TRHDE: variants seen among roughly 807,000 people sequenced by gnomAD.
TRHDE encodes thyrotropin releasing hormone degrading enzyme.
Under a neutral mutation model 125.7 loss-of-function variants are expected in TRHDE, and 72 were observed. The ratio of observed to expected loss-of-function variants is 0.57; its 90% CI spans 0.47 to 0.70. TRHDE has a LOEUF of 0.70. TRHDE is among the 30% of genes least tolerant of loss of function. The pLI, the probability that TRHDE is intolerant of heterozygous loss-of-function variation, is 0.00. For missense variants in TRHDE, 1,110 were observed against 1,327.1 expected, an observed-to-expected ratio of 0.84 and a Z score of 2.54; for synonymous variants, 509 against 509.1, an observed-to-expected ratio of 1.00 and a Z score of 0.00.
intron 2 of TRHDE, among the ~76,000 whole-genome samples, chr12:72,200,885 A>G (rs1463274963): frequency 1.3e-5 from 2 of 152,230 alleles, no homozygotes; most frequent in Non-Finnish European, 1.5e-5. Context: ...CAGGGCACCT[A>G]AACCAATCTT....
At chr12:72,345,009 T>C (rs1445771888) in intron 2 of TRHDE, among the ~76,000 whole-genome samples, 2 of 152,126 alleles carry the variant, frequency 1.3e-5, no homozygotes, top group Non-Finnish European at 2.9e-5. Flanking sequence ...CCTACGTGGT[T>C]GACATATGGC....
intron 2 of TRHDE, among the ~76,000 whole-genome samples, chr12:72,181,487 A>G (rs1202804566): frequency 6.6e-6 from 1 of 152,254 alleles, no homozygotes. Context: ...CTCTTTATAA[A>G]TTACAAAGTT....
At chr12:72,274,111 C>A (rs564082522) in intron 1 of TRHDE, among the ~76,000 whole-genome samples, 1 of 152,166 alleles carries the variant, frequency 6.6e-6, no homozygotes, top group Non-Finnish European at 1.5e-5. Context: ...CCCCAAACTT[C>A]AAGTTGAGAT....
chr12:72,537,855 T>G (rs530230224), intron 6 of TRHDE, among the ~76,000 whole-genome samples: 1 of 152,192 alleles, frequency 6.6e-6, no homozygotes, highest in African/African-American at 2.4e-5. Flanking sequence ...ATTCCCCACC[T>G]TGATGGAGAT....
chr12:72,341,756 T>C (rs2135730754), intron 2 of TRHDE, among the ~76,000 whole-genome samples: 1 of 152,192 alleles, frequency 6.6e-6, no homozygotes, highest in South Asian at 2.1e-4. Context: ...TTGAAAGATA[T>C]TTGGGAAGTA....
At chr12:72,404,531 A>C (rs2135806430) in intron 3 of TRHDE, among the ~76,000 whole-genome samples, 1 of 152,334 alleles carries the variant, frequency 6.6e-6, no homozygotes, top group South Asian at 2.1e-4. Flanking sequence ...ACAGTTTCAC[A>C]TGACTGGGGA....
At chr12:72,120,799 C>T (rs931686446) in intron 2 of TRHDE, among the ~76,000 whole-genome samples, 7 of 151,772 alleles carry the variant, frequency 4.6e-5, no homozygotes, top group Non-Finnish European at 1.0e-4. Context: ...CTGCCTCAGC[C>T]TCCTGAGTAG....
rs1026466508 is a variant in TRHDE, at chr12:72,416,236, T to A, written c.1315+38115T>A. On this transcript the variant is annotated intron_variant, in intron 3 of 18. Coordinates refer to ENST00000261180, the MANE Select transcript of TRHDE (RefSeq NM_013381.3). Reference sequence around the variant, plus strand: ...TTCAGATTTTTGCCTATTTGAAACATTGGAATATTTGTTTTCTAAATATTG... The same window carrying A: ...TTCAGATTTTTGCCTATTTGAAACAATGGAATATTTGTTTTCTAAATATTG... Among the ~76,000 whole-genome samples, 2 of 152,052 alleles carry A rather than the reference T, an allele frequency of 1.3e-5. 1 individual carries two copies. The highest frequency in any genetic ancestry group is 4.1e-4 in the South Asian group (2 of 4,826).
intron 7 of TRHDE, among the ~76,000 whole-genome samples, chr12:72,550,965 A>G (rs1328977791): frequency 1.3e-5 from 2 of 151,914 alleles, no homozygotes; most frequent in African/African-American, 2.4e-5. Flanking sequence ...ATTTTAATAC[A>G]TTCTCTGCTT....
At chr12:72,362,648 T>C (rs1445178566) in intron 2 of TRHDE, among the ~76,000 whole-genome samples, 1 of 151,222 alleles carries the variant, frequency 6.6e-6, no homozygotes. Flanking sequence ...CATGCCTATG[T>C]CCTGAATGGT....
chr12:72,169,731 G>A (rs1044206926), intron 2 of TRHDE, among the ~76,000 whole-genome samples: 15 of 151,766 alleles, frequency 9.9e-5, no homozygotes, highest in African/African-American at 3.6e-4. Flanking sequence ...ATAAAAGAAA[G>A]ATACAAATAC....
chr12:72,171,627 G>T (rs1053635677), intron 2 of TRHDE, among the ~76,000 whole-genome samples: 1 of 152,164 alleles, frequency 6.6e-6, no homozygotes, highest in Admixed American at 6.5e-5. Context: ...AAGTTGTCAA[G>T]TGAGTGGTCT....
chr12:72,566,044 T>C (rs546515360), intron 9 of TRHDE, among the ~76,000 whole-genome samples: 1 of 152,196 alleles, frequency 6.6e-6, no homozygotes, highest in South Asian at 2.1e-4. Context: ...TTTAGGGTCT[T>C]CTAGTCTTTT....
chr12:72,479,483 GTGTATATTCAC>G (rs1877056481), intron 5 of TRHDE, among the ~76,000 whole-genome samples: 1 of 151,818 alleles, frequency 6.6e-6, no homozygotes, highest in Non-Finnish European at 1.5e-5. Context: ...ATTAGTATTC[GTGTATATTCAC>G]TGTATATTAA....
chr12:72,224,436 T>C (rs1489818195), intron 2 of TRHDE, among the ~76,000 whole-genome samples: 1 of 152,072 alleles, frequency 6.6e-6, no homozygotes, highest in African/African-American at 2.4e-5. Flanking sequence ...CTCAATATTA[T>C]ATCCTATTCA....
intron 2 of TRHDE, among the ~76,000 whole-genome samples, chr12:72,224,398 T>C (rs767367353): frequency 6.6e-6 from 1 of 152,050 alleles, no homozygotes; most frequent in Non-Finnish European, 1.5e-5. Context: ...TATGGTGATA[T>C]GGGAAGGCCA....
At chr12:72,398,046 A>G (rs913591602) in intron 3 of TRHDE, among the ~76,000 whole-genome samples, 2 of 127,112 alleles carry the variant, frequency 1.6e-5, no homozygotes, top group African/African-American at 5.4e-5. Context: ...ATGTGTTCTC[A>G]TTGTTCAATT....
intron 6 of TRHDE, among the ~76,000 whole-genome samples, chr12:72,524,865 A>G (rs893429778): frequency 1.3e-5 from 2 of 152,186 alleles, no homozygotes; most frequent in Admixed American, 6.5e-5. Flanking sequence ...CAGCTTATGT[A>G]TCCTGGTCTT....
At chr12:72,212,265 T>C (rs1877798609) in intron 2 of TRHDE, among the ~76,000 whole-genome samples, 1 of 151,972 alleles carries the variant, frequency 6.6e-6, no homozygotes, top group African/African-American at 2.4e-5. Flanking sequence ...TGTAAGAAGA[T>C]AAAACTATAA....
Sources: gnomAD v4.1 joint callset for allele counts (sites outside exome capture counted in the v4.1 genomes callset) on GRCh38, gnomAD v4.1.1 for gene constraint, MANE v1.5 for transcripts, NCBI Gene and HGNC (gene_info 2026-07-23, HGNC 2026-07-21) for gene names.